The following AP1G2 variants were observed in gnomAD, a reference collection of about 807,000 sequenced individuals.
AP1G2 encodes the protein adaptor related protein complex 1 subunit gamma 2, also known as AP-1 complex subunit gamma-like 2.
Under a neutral mutation model 95.8 loss-of-function variants are expected in AP1G2, and 85 were observed. That is an observed-to-expected ratio of 0.89 (90% CI 0.74 to 1.06). The LOEUF (loss-of-function observed/expected upper bound fraction) is 1.06. AP1G2 is among the 50% of genes least tolerant of loss of function. AP1G2 has a pLI of 0.00. For synonymous variants in AP1G2, 378 were observed against 400.0 expected, an observed-to-expected ratio of 0.94 and a Z score of 0.66; for missense variants, 967 against 1,005.8, an observed-to-expected ratio of 0.96 and a Z score of 0.52.
chr14:23,567,648 C>T lies in AP1G2; in HGVS notation c.-6+91G>A, dbSNP rs1391797308. 2 of 1,084,504 alleles carry T rather than the reference C, an allele frequency of 1.8e-6. No individual in the cohort carries two copies. Among genetic ancestry groups the T allele is most frequent in the East Asian group, 6.9e-5 (1 of 14,512 alleles). 67.2% of individuals were successfully genotyped at this position (1,084,504 alleles called of 1,614,324 possible). A position where few individuals can be genotyped will look rare whatever the true frequency, so the allele number is the denominator to read the frequency against. On this transcript the variant is annotated intron_variant, in intron 1 of 21. Transcript: ENST00000397120. This position sits in a 1 kb window ranked among gnomAD's most constrained non-coding sequence, Gnocchi z 5.3. ...TTGCTTTTTTTTCCACGACCCTCCGCTGTTTCTTCCGCGAGCTTCCTCCCC... is the reference window on the plus strand; with the variant it reads ...TTGCTTTTTTTTCCACGACCCTCCGTTGTTTCTTCCGCGAGCTTCCTCCCC...
chr14:23,565,270 C>A (rs1041531560), intron 7 of AP1G2, 71 bp from the exon 8 acceptor site: 2 of 1,487,016 alleles, frequency 1.3e-6, no homozygotes, highest in African/African-American at 2.8e-5. Context: ...GAGGAGAAAA[C>A]TCCAACATGT....
chr14:23,561,149 TTCA>T lies in AP1G2; in HGVS notation c.1993+144_1993+146del, dbSNP rs1179075951. On this transcript the variant is annotated intron_variant, in intron 19 of 21. Coordinates refer to ENST00000397120, the MANE Select transcript of AP1G2 (RefSeq NM_003917.5). ...GGGAAGACAGATGACCATGATTGAC[TTCA>T]TTCTTTTACCTCCTGAGATGGCGAT... is the stretch of plus-strand genomic sequence containing the variant. 8 of 1,395,974 alleles carry T rather than the reference TTCA, an allele frequency of 5.7e-6. No homozygotes were observed. In the African/African-American group the frequency reaches 1.1e-4, roughly 20 times the overall value. The allele number at this position is 1,395,974 out of a possible 1,614,324, so 86.5% of individuals were successfully genotyped here. A position where few individuals can be genotyped will look rare whatever the true frequency, so the allele number is the denominator to read the frequency against.
rs920918514 is a variant in AP1G2, at chr14:23,564,399, C to T, written c.922-11G>A. The T allele has an allele frequency of 4.3e-6, 7 of 1,613,964 alleles. No homozygotes were observed. The highest frequency in any genetic ancestry group is 5.9e-6 in the Non-Finnish European group (7 of 1,180,042). ...GTTGACAGCTAGAACCTATGAGAGGCAGAAGTTGGGGTCAGTCGGAAAGGA... is the reference window on the plus strand; with the variant it reads ...GTTGACAGCTAGAACCTATGAGAGGTAGAAGTTGGGGTCAGTCGGAAAGGA... On this transcript the variant is annotated splice_polypyrimidine_tract_variant and intron_variant, in intron 9 of 21. Transcript: ENST00000397120.
intron 20 of AP1G2, 81 bp from the exon 21 acceptor site, chr14:23,560,117 C>G: frequency 2.1e-6 from 3 of 1,417,856 alleles, no homozygotes; most frequent in Non-Finnish European, 2.9e-6. Context: ...GGCTCCACAC[C>G]CTTTTCCTGT....
Position 23,560,485 on chromosome 14 carries a change from A to G in AP1G2, c.1994-67T>C, listed in dbSNP as rs937497512. 7.9e-6 allele frequency: 12 copies of G among 1,520,594 alleles called. No individual in the cohort carries two copies. In the Middle Eastern group the frequency reaches 1.2e-3, roughly 150 times the overall value. The allele number at this position is 1,520,594 out of a possible 1,614,324, so 94.2% of individuals were successfully genotyped here. A position where few individuals can be genotyped will look rare whatever the true frequency, so the allele number is the denominator to read the frequency against. On this transcript the variant is annotated intron_variant, in intron 19 of 21. Coordinates refer to ENST00000397120, the MANE Select transcript of AP1G2 (RefSeq NM_003917.5). ...GAGAACATGTTTGTTCATTCATTCA[A>G]CAAAAATTGAGTAAACACCTACTGG...
intron 2 of AP1G2, 62 bp from the exon 3 acceptor site, chr14:23,566,748 G>C: frequency 6.3e-7 from 1 of 1,589,544 alleles, no homozygotes; most frequent in Non-Finnish European, 8.6e-7. Context: ...TCACATCCCT[G>C]TTCCATCTTC....
chr14:23,564,232 GGATAA>G (rs1268545994), intron 10 of AP1G2, 73 bp from the exon 11 acceptor site: 4 of 1,612,460 alleles, frequency 2.5e-6, no homozygotes, highest in Non-Finnish European at 3.4e-6. Flanking sequence ...CTGGGTATAG[GGATAA>G]GATAAGAGAG....
At position 23,561,422 on chromosome 14, in the gene AP1G2, G is replaced by T; in HGVS notation, c.1867C>A (p.Leu623Ile). The part of the protein sequence containing the change: ...PVPTEPQASQ[L>I]LDLLDLLDGA... Reference sequence around the variant, plus strand: ...TCCAGGAGATCTAGCAGATCCAGGAGCTGTGAGGCCTGGCAGAAGGGACAG... The same window carrying T: ...TCCAGGAGATCTAGCAGATCCAGGATCTGTGAGGCCTGGCAGAAGGGACAG... Residue 623 changes from leucine to isoleucine, a missense_variant, in exon 19 of 22, where the codon CTC (leucine) becomes ATC (isoleucine). Coordinates refer to ENST00000397120, the MANE Select transcript of AP1G2 (RefSeq NM_003917.5). 1 of 1,610,664 alleles carries T rather than the reference G, an allele frequency of 6.2e-7. No homozygotes were observed. Among genetic ancestry groups the T allele is most frequent in the Non-Finnish European group, 8.5e-7 (1 of 1,177,500 alleles).
Position 23,563,166 on chromosome 14 carries a change from G to A in AP1G2, c.1410+214C>T, listed in dbSNP as rs1247388781. On this transcript the variant is annotated intron_variant, in intron 14 of 21. Transcript: ENST00000397120. ...TCAGGGTACATGGAGCATAAGGGAAGTTAGTCATCTGTAGTTACATAACCA... is the reference window on the plus strand; with the variant it reads ...TCAGGGTACATGGAGCATAAGGGAAATTAGTCATCTGTAGTTACATAACCA... 3 of 1,427,516 alleles carry A rather than the reference G, an allele frequency of 2.1e-6. No individual in the cohort carries two copies. The East Asian group carries it at 7.6e-5, about 36-fold the overall frequency. 88.4% of individuals were successfully genotyped at this position (1,427,516 alleles called of 1,614,324 possible).
In AP1G2 at chr14:23,560,278, T is replaced by A; in HGVS notation, c.2134A>T (p.Ile712Phe). Reference protein sequence around the residue: ...NFSEGDVTHFICQAAVPKSLQ... With the variant: ...NFSEGDVTHFFCQAAVPKSLQ... ...ACCTTGGGCACAGCAGCCTGGCAGATGAAATGGGTGACATCACCCTCTGAG... is the reference window on the plus strand; with the variant it reads ...ACCTTGGGCACAGCAGCCTGGCAGAAGAAATGGGTGACATCACCCTCTGAG... Residue 712 changes from isoleucine to phenylalanine, a missense_variant, in exon 20 of 22, where the codon ATC becomes TTC. By Grantham distance (21) the Ile-to-Phe change is conservative (BLOSUM62 0). Transcript: ENST00000397120. 6.2e-7 allele frequency: 1 copy of A among 1,613,794 alleles called. No homozygotes were observed.
chr14:23,561,016 G>A, intron 19 of AP1G2: 1 of 979,634 alleles, frequency 1.0e-6, no homozygotes, highest in Non-Finnish European at 1.3e-6. Flanking sequence ...GGGTGGGAGG[G>A]TGTGAGGAGC....
At chr14:23,565,367 A>G in intron 7 of AP1G2, 168 bp from the exon 8 acceptor site, 1 of 755,274 alleles carries the variant, frequency 1.3e-6, no homozygotes, top group Non-Finnish European at 2.2e-6. Flanking sequence ...GAGGTGTGTG[A>G]GGCCAGGGGA....
chr14:23,563,831 G>C lies in AP1G2; in HGVS notation c.1117C>G (p.Leu373Val), dbSNP rs771351391. The change falls in exon 12 of 22, where the codon CTG becomes GTG. Residue 373 changes from leucine (L) to valine (V), a missense_variant. Physicochemically the swap from Leu to Val is conservative, Grantham distance 32. Transcript: ENST00000397120. ...SRRALELSLA[L>V]VNSSNVRAMM... is the part of the protein sequence containing the mutation. The stretch of plus-strand genomic sequence containing the variant: ...GCTCGCACATTGGAGCTATTTACCA[G>C]AGCCAGGCTTAGTTCCAGGGCTCTC... 3 of 1,614,044 alleles carry C rather than the reference G, an allele frequency of 1.9e-6. No individual in the cohort carries two copies. The highest frequency in any genetic ancestry group is 2.5e-6 in the Non-Finnish European group (3 of 1,179,992).
rs200552608 is a variant in AP1G2 at position 23,564,542 on chromosome 14, A to G, written c.921+20T>C. ...AGGTGGTGGGCGGGGCCGTAGTGGG[A>G]GAGGCATAAGGGGTGATACCCGTAG... On this transcript the variant is annotated intron_variant, in intron 9 of 21. Transcript: ENST00000397120. The G allele has an allele frequency of 9.3e-6, 15 of 1,611,164 alleles. No individual in the cohort carries two copies. In the African/African-American group the frequency reaches 1.6e-4, roughly 17 times the overall value.
chr14:23,566,521 C>T, intron 3 of AP1G2, 41 bp downstream of exon 3: 2 of 1,611,428 alleles, frequency 1.2e-6, no homozygotes, highest in Non-Finnish European at 1.7e-6. Flanking sequence ...TCCCTACTCT[C>T]CCATCTCCCT....
intron 14 of AP1G2, 86 bp from the exon 15 acceptor site, chr14:23,562,679 G>T: frequency 1.5e-6 from 2 of 1,374,662 alleles, no homozygotes; most frequent in Non-Finnish European, 1.0e-6. Context: ...GAGGCGGGAG[G>T]ATTGCTTGAG....
chr14:23,560,181 C>T, intron 20 of AP1G2, 74 bp downstream of exon 20: 1 of 1,563,288 alleles, frequency 6.4e-7, no homozygotes, highest in Non-Finnish European at 8.7e-7. Context: ...CACTGTCTCC[C>T]ACCCACCTCC....
chr14:23,566,802 C>G (rs1888249329), intron 2 of AP1G2, 116 bp from the exon 3 acceptor site: 12 of 1,418,168 alleles, frequency 8.5e-6, no homozygotes, highest in Non-Finnish European at 1.1e-5. Context: ...TATCTCATCA[C>G]TCTCCCTTCA....
In AP1G2 at chr14:23,566,174, G is replaced by C. The variant is rs1171494649; in HGVS notation, c.472-14C>G. On this transcript the variant is annotated splice_polypyrimidine_tract_variant and intron_variant, in intron 4 of 21. Transcript: ENST00000397120. ...AGTCAGAATAGCCTGCAGAGGTCAG[G>C]GGCCTCAGACAGGGGTCAGAGGAGA... 6.3e-7 allele frequency: 1 copy of C among 1,595,732 alleles called. No homozygotes were observed. Among genetic ancestry groups the C allele is most frequent in the Non-Finnish European group, 8.6e-7 (1 of 1,169,582 alleles).
Sources: gnomAD v4.1 joint callset for allele counts on GRCh38, gnomAD v4.1.1 for gene constraint, Gnocchi (gnomAD v3.1) non-coding constraint, MANE v1.5 for transcripts, NCBI Gene and HGNC (gene_info 2026-07-23, HGNC 2026-07-21) for gene names.